DNAJC13: variants seen among roughly 807,000 people sequenced by gnomAD.
The protein encoded by DNAJC13 is DnaJ heat shock protein family (Hsp40) member C13.
In DNAJC13, 75 loss-of-function variants were observed where a neutral mutation model predicts 290.5. The ratio of observed to expected loss-of-function variants is 0.26; its 90% CI spans 0.21 to 0.31. The LOEUF is 0.31. Among genes scored for constraint, DNAJC13 ranks in the 10% least tolerant of loss-of-function variants. DNAJC13 has a pLI of 1.00. For synonymous variants in DNAJC13, 862 were observed against 892.0 expected, an observed-to-expected ratio of 0.97 and a Z score of 0.60; for missense variants, 2,260 against 2,674.5, an observed-to-expected ratio of 0.85 and a Z score of 3.42.
chr3:132,523,858 C>T, intron 51 of DNAJC13, 145 bp downstream of exon 51: 2 of 754,708 alleles, frequency 2.7e-6, no homozygotes, highest in East Asian at 5.7e-5. Flanking sequence ...TTCACATATG[C>T]CCCTCGATCA....
chr3:132,420,772 G>A (rs1417832008), intron 1 of DNAJC13, among the ~76,000 whole-genome samples: 3 of 151,904 alleles, frequency 2.0e-5, no homozygotes, highest in Non-Finnish European at 4.4e-5. Flanking sequence ...CATAAACTAA[G>A]TCCAACTCCT....
intron 37 of DNAJC13, 26 bp from the exon 38 acceptor site, chr3:132,499,708 T>G (rs1352658689): frequency 6.2e-7 from 1 of 1,610,746 alleles, no homozygotes; most frequent in South Asian, 1.1e-5. Flanking sequence ...AAATGGAGAG[T>G]TAATAGCTGA....
intron 32 of DNAJC13, among the ~76,000 whole-genome samples, 175 bp downstream of exon 32, chr3:132,491,226 A>G (rs2107707951): frequency 6.6e-6 from 1 of 152,318 alleles, no homozygotes; most frequent in South Asian, 2.1e-4. Flanking sequence ...GGTTTTCTCT[A>G]TTCTAATAAG....
At position 132,431,471 on chromosome 3, in the gene DNAJC13, T is replaced by A. The variant is rs148810086; in HGVS notation, c.-13-3067T>A. ...TGGAAAGGTGACATTTGAACACAGA[T>A]TTGAAGGAGATAGAGGTATAAGCCA... is the stretch of plus-strand genomic sequence containing the variant. On this transcript the variant is annotated intron_variant, in intron 1 of 55. Transcript: ENST00000260818. Among the ~76,000 whole-genome samples the A allele has an allele frequency of 1.5e-3, 234 of 152,132 alleles. 5 individuals are homozygous for A. The East Asian group carries it at 0.04, about 26-fold the overall frequency.
intron 29 of DNAJC13, among the ~76,000 whole-genome samples, chr3:132,487,106 T>G (rs1934902857): frequency 6.6e-6 from 1 of 152,120 alleles, no homozygotes; most frequent in African/African-American, 2.4e-5. Flanking sequence ...TAATCTAAAT[T>G]CCTTGTGGAA....
intron 2 of DNAJC13, among the ~76,000 whole-genome samples, chr3:132,441,551 A>T (rs1431362437): frequency 1.3e-5 from 2 of 152,188 alleles, no homozygotes; most frequent in African/African-American, 4.8e-5. Flanking sequence ...TGAACTTTAA[A>T]AGTAATACAG....
At chr3:132,418,208 C>T (rs1197269990) in intron 1 of DNAJC13, among the ~76,000 whole-genome samples, 1 of 152,262 alleles carries the variant, frequency 6.6e-6, no homozygotes, top group East Asian at 1.9e-4. Flanking sequence ...ACTTTCTTTG[C>T]TTTGTTTCGT....
intron 29 of DNAJC13, 61 bp downstream of exon 29, chr3:132,484,733 C>T: frequency 7.0e-7 from 1 of 1,429,424 alleles, no homozygotes; most frequent in Non-Finnish European, 9.9e-7. Context: ...ATTTTATTAT[C>T]AGTACCAGTC....
At position 132,453,704 on chromosome 3, in the gene DNAJC13, A is replaced by G. The variant is rs1220150178; in HGVS notation, c.840+10A>G. 2 of 1,588,172 alleles carry G rather than the reference A, an allele frequency of 1.3e-6. No individual in the cohort carries two copies. Among genetic ancestry groups the G allele is most frequent in the Non-Finnish European group, 8.6e-7 (1 of 1,167,018 alleles). ...GAAGCCTTTAGGAGAAGTAAGTTTC[A>G]GCATTGTTAGCTTAAATGAGATTTC... On this transcript the variant is annotated intron_variant, in intron 8 of 55. Transcript: ENST00000260818.
In DNAJC13 at chr3:132,478,098, A is replaced by C; in HGVS notation, c.2667A>C (p.Gly889=). 1 of 1,613,208 alleles carries C rather than the reference A, an allele frequency of 6.2e-7. No homozygotes were observed. Among genetic ancestry groups the C allele is most frequent in the Middle Eastern group, 1.7e-4 (1 of 6,052 alleles). The change falls in exon 24 of 56, where the codon GGA becomes GGC. Residue 889 remains glycine, a synonymous_variant. Coordinates refer to ENST00000260818, the MANE Select transcript of DNAJC13 (RefSeq NM_015268.4). ...ATGGCAGATGTCACGAAGAAATAGGACCTTTTACAGATACCAGATATATCA... is the reference window on the plus strand; with the variant it reads ...ATGGCAGATGTCACGAAGAAATAGGCCCTTTTACAGATACCAGATATATCA... ...IVYGRCHEEI[G]PFTDTRYIIG...
rs1284711954 is a variant in DNAJC13 at position 132,494,172 on chromosome 3, C to T, written c.3854C>T (p.Ala1285Val). The T allele has an allele frequency of 2.5e-6, 4 of 1,612,056 alleles. No homozygotes were observed. The highest frequency in any genetic ancestry group is 3.3e-5 in the Admixed American group (2 of 59,714). ...PVKLLKDTLD[A>V]WKKEVEKKPP... ...AAGCTTCTAAAAGATACCCTTGATG[C>T]CTGGAAGAAAGAAGTAGAAAAGAAG... Residue 1285 changes from alanine (A) to valine (V), a missense_variant, in exon 34 of 56, where the codon GCC becomes GTC. Transcript: ENST00000260818.
At chr3:132,503,151 A>G in intron 40 of DNAJC13, 63 bp from the exon 41 acceptor site, 1 of 1,537,316 alleles carries the variant, frequency 6.5e-7, no homozygotes. Context: ...ATTCTGTAAA[A>G]TTATAGTATT....
chr3:132,418,304 A>G (rs1938857845), intron 1 of DNAJC13, among the ~76,000 whole-genome samples: 1 of 152,194 alleles, frequency 6.6e-6, no homozygotes, highest in Admixed American at 6.5e-5. Flanking sequence ...TCCTTCCTGC[A>G]AGGCAGCTTA....
At chr3:132,464,717 G>A (rs12637073) in intron 17 of DNAJC13, among the ~76,000 whole-genome samples, 15,283 of 152,034 alleles carry the variant, frequency 0.1, 1,432 homozygotes, top group East Asian at 0.53. Context: ...TCCTAGTATT[G>A]TCTTATTAGC....
At chr3:132,470,803 C>G (rs1274996492) in intron 20 of DNAJC13, among the ~76,000 whole-genome samples, 2 of 130,946 alleles carry the variant, frequency 1.5e-5, no homozygotes, top group Non-Finnish European at 3.3e-5. Context: ...CTGACCCCCC[C>G]ACCTCCCTCC....
chr3:132,449,357 G>A (rs1933352745), intron 5 of DNAJC13, among the ~76,000 whole-genome samples: 1 of 152,130 alleles, frequency 6.6e-6, no homozygotes, highest in African/African-American at 2.4e-5. Context: ...GAGCTGGGAG[G>A]AATGGAGAAT....
intron 1 of DNAJC13, among the ~76,000 whole-genome samples, chr3:132,431,271 A>T (rs188289389): frequency 7.9e-5 from 12 of 152,322 alleles, no homozygotes; most frequent in Admixed American, 7.8e-4. Context: ...CTCTCTGGAT[A>T]TTCCAGTAGA....
chr3:132,450,466 A>G (rs1344569571), intron 5 of DNAJC13, among the ~76,000 whole-genome samples, 181 bp from the exon 6 acceptor site: 6 of 152,314 alleles, frequency 3.9e-5, no homozygotes, highest in Admixed American at 2.0e-4. Flanking sequence ...TAGTGTGAAC[A>G]TTCTTAAACA....
chr3:132,516,633 A>G (rs991204904), intron 47 of DNAJC13, 71 bp from the exon 48 acceptor site: 1 of 1,525,170 alleles, frequency 6.6e-7, no homozygotes, highest in East Asian at 2.3e-5. Flanking sequence ...CAGTTGAAAT[A>G]TGGTTGAAAA....
Sources: allele counts gnomAD v4.1 joint callset (sites outside exome capture counted in the v4.1 genomes callset), GRCh38; gene constraint gnomAD v4.1.1; transcripts MANE v1.5; gene names NCBI Gene and HGNC (gene_info 2026-07-23, HGNC 2026-07-21).